The following PRKG1 variants were observed in gnomAD, a reference collection of about 807,000 sequenced individuals.
The protein encoded by PRKG1 is protein kinase cGMP-dependent 1.
A neutral mutation model predicts 88.1 loss-of-function variants in PRKG1; 35 were observed. That is an observed-to-expected ratio of 0.40 (90% CI 0.30 to 0.53). PRKG1 has a LOEUF of 0.53. PRKG1 is among the 20% of genes least tolerant of loss of function. PRKG1 has a pLI of 0.59. For missense variants in PRKG1, 540 were observed against 839.8 expected, an observed-to-expected ratio of 0.64 and a Z score of 4.41; for synonymous variants, 303 against 292.5, an observed-to-expected ratio of 1.04 and a Z score of -0.37.
At chr10:52,012,530 C>A (rs953057022) in intron 5 of PRKG1, among the ~76,000 whole-genome samples, 11 of 152,064 alleles carry the variant, frequency 7.2e-5, no homozygotes, top group Non-Finnish European at 1.5e-4. Context: ...GCGTGAGCCA[C>A]CGCGCCCAGC....
At chr10:51,742,236 C>T (rs190534535) in intron 3 of PRKG1, among the ~76,000 whole-genome samples, 11 of 152,298 alleles carry the variant, frequency 7.2e-5, no homozygotes, top group Admixed American at 7.2e-4. Flanking sequence ...GTAAGATTTA[C>T]ATTGAACCTG....
intron 1 of PRKG1, among the ~76,000 whole-genome samples, chr10:51,122,099 C>T (rs1299519795): frequency 6.6e-6 from 1 of 152,164 alleles, no homozygotes; most frequent in African/African-American, 2.4e-5. Context: ...CATCTGTTGC[C>T]TTAGTCCAGG....
chr10:51,033,225 G>A (rs951346290), intron 1 of PRKG1, among the ~76,000 whole-genome samples: 6 of 152,116 alleles, frequency 3.9e-5, no homozygotes, highest in Admixed American at 1.3e-4. Context: ...CTTCAAGTAT[G>A]AAATGCCCAC....
chr10:51,458,075 A>C (rs1839637797), intron 2 of PRKG1, among the ~76,000 whole-genome samples: 1 of 152,168 alleles, frequency 6.6e-6, no homozygotes, highest in Non-Finnish European at 1.5e-5. Flanking sequence ...TCTTTGTTTT[A>C]AAACAATGTG....
intron 3 of PRKG1, among the ~76,000 whole-genome samples, chr10:51,487,301 A>T (rs1277161644): frequency 1.3e-5 from 2 of 152,216 alleles, no homozygotes; most frequent in African/African-American, 4.8e-5. Flanking sequence ...AGAGGAGATT[A>T]TATTAATAAT....
chr10:51,173,519 G>A (rs1457437742), intron 2 of PRKG1, among the ~76,000 whole-genome samples: 1 of 151,658 alleles, frequency 6.6e-6, no homozygotes, highest in Non-Finnish European at 1.5e-5. Flanking sequence ...TCATCAATGT[G>A]GAAGTATATG....
chr10:51,364,103 A>T (rs1842541853), intron 2 of PRKG1, among the ~76,000 whole-genome samples: 1 of 151,940 alleles, frequency 6.6e-6, no homozygotes, highest in Non-Finnish European at 1.5e-5. Flanking sequence ...ATTAGATTAA[A>T]GTCACTGCAG....
intron 9 of PRKG1, among the ~76,000 whole-genome samples, chr10:52,199,777 T>C (rs943336994): frequency 6.6e-6 from 1 of 152,146 alleles, no homozygotes; most frequent in Non-Finnish European, 1.5e-5. Context: ...TTTTTAAGGA[T>C]GCAGACCTTG....
At chr10:51,125,849 T>A (rs1845383959) in intron 1 of PRKG1, among the ~76,000 whole-genome samples, 2 of 140,914 alleles carry the variant, frequency 1.4e-5, no homozygotes, top group African/African-American at 2.6e-5. Context: ...AATTTAATTA[T>A]ATAATTATAA....
intron 4 of PRKG1, among the ~76,000 whole-genome samples, chr10:51,858,292 C>CATACATATAT (rs1840752737): frequency 1.0e-4 from 1 of 9,912 alleles, no homozygotes; most frequent in Admixed American, 1.3e-3. Flanking sequence ...TATAATTATA[C>CATACATATAT]ATATGTATAA....
chr10:51,828,330 T>G (rs1839926484), intron 4 of PRKG1, among the ~76,000 whole-genome samples: 1 of 152,108 alleles, frequency 6.6e-6, no homozygotes, highest in Non-Finnish European at 1.5e-5. Flanking sequence ...TCAGAGACAT[T>G]TTAACATATT....
intron 3 of PRKG1, among the ~76,000 whole-genome samples, chr10:51,496,384 A>G (rs1840855254): frequency 6.6e-6 from 1 of 152,110 alleles, no homozygotes; most frequent in Non-Finnish European, 1.5e-5. Flanking sequence ...TCTGAGTTAG[A>G]CTGTGTTAAA....
intron 5 of PRKG1, among the ~76,000 whole-genome samples, chr10:52,025,341 T>C (rs1204790054): frequency 3.9e-5 from 6 of 152,224 alleles, no homozygotes; most frequent in Admixed American, 3.3e-4. Flanking sequence ...TTAGATCCCA[T>C]TTGTCAATTG....
intron 1 of PRKG1, among the ~76,000 whole-genome samples, chr10:51,076,026 C>A (rs188673144): frequency 6.6e-6 from 1 of 152,298 alleles, no homozygotes; most frequent in South Asian, 2.1e-4. Context: ...CAAGGTCCAT[C>A]GAAACCCTTC....
At chr10:51,585,161 A>C (rs989730332) in intron 3 of PRKG1, among the ~76,000 whole-genome samples, 2 of 152,108 alleles carry the variant, frequency 1.3e-5, no homozygotes, top group Admixed American at 6.6e-5. Context: ...TCAACAGTAA[A>C]ATTTAAGAGT....
At chr10:51,149,090 T>C (rs1379888597) in intron 1 of PRKG1, among the ~76,000 whole-genome samples, 1 of 152,146 alleles carries the variant, frequency 6.6e-6, no homozygotes, top group Non-Finnish European at 1.5e-5. Context: ...CATTCCAAAC[T>C]CTACACCTTT....
At chr10:51,994,174 T>C (rs1844378933) in intron 5 of PRKG1, among the ~76,000 whole-genome samples, 1 of 152,188 alleles carries the variant, frequency 6.6e-6, no homozygotes, top group Non-Finnish European at 1.5e-5. Context: ...CTGAAGCTGC[T>C]TTTTTCTTTC....
intron 3 of PRKG1, among the ~76,000 whole-genome samples, chr10:51,707,378 T>C (rs1564615696): frequency 1.3e-5 from 2 of 152,186 alleles, no homozygotes; most frequent in Non-Finnish European, 2.9e-5. Flanking sequence ...ATATTAGGAC[T>C]ACTACTTTTA....
chr10:51,806,211 A>G (rs919905081), intron 4 of PRKG1, among the ~76,000 whole-genome samples: 12 of 152,186 alleles, frequency 7.9e-5, no homozygotes, highest in Admixed American at 7.2e-4. Flanking sequence ...TATGGAATGC[A>G]GTCCATTATT....
Sources: allele counts gnomAD v4.1 joint callset (sites outside exome capture counted in the v4.1 genomes callset), GRCh38; gene constraint gnomAD v4.1.1; transcripts MANE v1.5; gene names NCBI Gene and HGNC (gene_info 2026-07-23, HGNC 2026-07-21).